The following RPL6 variants were observed in gnomAD, a reference collection of about 807,000 sequenced individuals.
The protein encoded by RPL6 is ribosomal protein L6.
RPL6 carries 1 observed loss-of-function variant against 32.1 expected under a neutral mutation model. The observed-to-expected ratio is 0.03, with a 90% confidence interval of 0.01 to 0.15. RPL6 has a LOEUF of 0.15. RPL6 is among the 10% of genes least tolerant of loss of function. The probability of loss-of-function intolerance (pLI) is 1.00; values close to 1 mark genes in which losing one functional copy is unlikely to be tolerated. For synonymous variants in RPL6, 126 were observed against 131.6 expected, an observed-to-expected ratio of 0.96 and a Z score of 0.29; for missense variants, 275 against 354.6, an observed-to-expected ratio of 0.78 and a Z score of 1.80.
At chr12:112,411,071 A>C (rs1030453217), upstream of RPL6, among the ~76,000 whole-genome samples, 1 of 152,264 alleles carries the variant, frequency 6.6e-6, no homozygotes, top group Admixed American at 6.5e-5. Flanking sequence ...CTGAGTCTCA[A>C]GGACATTAAG....
intron 1 of RPL6, among the ~76,000 whole-genome samples, chr12:112,415,744 G>A (rs1451618747): frequency 6.7e-6 from 1 of 148,272 alleles, no homozygotes; most frequent in African/African-American, 2.5e-5. Context: ...TTTTTTTTTT[G>A]TAGGGACAGG....
chr12:112,417,560 CTTTTTTTTTTTTTT>C (rs1209085428), intron 1 of RPL6, among the ~76,000 whole-genome samples: 1 of 75,090 alleles, frequency 1.3e-5, no homozygotes, highest in Non-Finnish European at 2.4e-5. Flanking sequence ...CCCGGCCCGG[CTTTTTTTTTTTTTT>C]TTTTTTTTTT....
Position 112,406,790 on chromosome 12 carries a change from G to C in RPL6, c.437C>G (p.Pro146Arg). The change falls in exon 4 of 7, where the codon CCC becomes CGC. Residue 146 changes from proline to arginine, a missense_variant. Transcript: ENST00000202773. The stretch of plus-strand genomic sequence containing the variant: ...AGTGAGGATGATCAGAATGGTCCCG[G>C]GGGTAATGCTGGCTCGCAGTTTTCT... Reference protein sequence around the residue: ...HVRKLRASITPGTILIILTGR... With the variant: ...HVRKLRASITRGTILIILTGR... 6.2e-7 allele frequency: 1 copy of C among 1,614,264 alleles called. No homozygotes were observed. The highest frequency in any genetic ancestry group is 8.5e-7 in the Non-Finnish European group (1 of 1,180,054).
intron 4 of RPL6, 152 bp from the exon 5 acceptor site, chr12:112,406,494 T>A: frequency 1.3e-6 from 1 of 798,540 alleles, no homozygotes; most frequent in Non-Finnish European, 2.0e-6. Context: ...AGCAAGCTAC[T>A]AAGGTAGTAC....
At position 112,405,385 on chromosome 12, in the gene RPL6, A is replaced by C; in HGVS notation, c.715-9T>G. Reference sequence around the variant, plus strand: ...TCCGTAATCTCATATTTCTAAATAAAGAGAAAATCAAACATTTTAAAACAG... The same window carrying C: ...TCCGTAATCTCATATTTCTAAATAACGAGAAAATCAAACATTTTAAAACAG... On this transcript the variant is annotated splice_polypyrimidine_tract_variant and intron_variant, in intron 6 of 6. Coordinates refer to ENST00000202773, the MANE Select transcript of RPL6 (RefSeq NM_000970.6). The C allele has an allele frequency of 6.2e-7, 1 of 1,607,966 alleles. No individual in the cohort carries two copies. Among genetic ancestry groups the C allele is most frequent in the Non-Finnish European group, 8.5e-7 (1 of 1,178,754 alleles).
chr12:112,406,069 AGG>A (rs1457673243), intron 5 of RPL6, 32 bp from the exon 6 acceptor site: 1 of 1,555,320 alleles, frequency 6.4e-7, no homozygotes, highest in Non-Finnish European at 8.8e-7. Flanking sequence ...AGCAAGGAAA[AGG>A]GGGAAGAATC....
upstream of RPL6, among the ~76,000 whole-genome samples, chr12:112,412,387 C>T (rs1268807882): frequency 6.6e-6 from 1 of 151,582 alleles, no homozygotes; most frequent in Admixed American, 6.6e-5. Flanking sequence ...GTTGGCCAGG[C>T]TGGTTTTGAA....
In RPL6 at chr12:112,408,670, T is replaced by C; in HGVS notation, c.1-14A>G. The C allele has an allele frequency of 6.4e-7, 1 of 1,558,170 alleles. No individual in the cohort carries two copies. Among genetic ancestry groups the C allele is most frequent in the African/African-American group, 1.4e-5 (1 of 72,520 alleles). On this transcript the variant is annotated splice_polypyrimidine_tract_variant and intron_variant, in intron 1 of 6. Transcript: ENST00000202773. ...TTCACCCGCCATCTAAAAATATTTT[T>C]TTGTAGATAAAAAAAGGCATTTCAC...
intron 1 of RPL6, chr12:112,409,037 T>C (rs2037274013): frequency 1.6e-5 from 4 of 247,540 alleles, no homozygotes; most frequent in Non-Finnish European, 3.1e-5. Flanking sequence ...TTGAAATCCC[T>C]TACTTTCAGT....
chr12:112,410,816 C>T (rs191806208), upstream of RPL6, among the ~76,000 whole-genome samples: 57 of 152,036 alleles, frequency 3.7e-4, 1 homozygote, highest in African/African-American at 1.3e-3. Context: ...CTCAAGTAAT[C>T]CACCCGCCTC....
intron 6 of RPL6, 140 bp downstream of exon 6, chr12:112,405,710 TAGA>T (rs1301777177): frequency 1.3e-6 from 1 of 742,034 alleles, no homozygotes; most frequent in Admixed American, 3.1e-5. Context: ...CTACTCAATT[TAGA>T]AGAATCTGGA....
At chr12:112,415,594 TAA>T (rs2037397990) in intron 1 of RPL6, among the ~76,000 whole-genome samples, 1 of 152,070 alleles carries the variant, frequency 6.6e-6, no homozygotes, top group East Asian at 1.9e-4. Context: ...TGCGTGCCTG[TAA>T]TCCCAGCTAC....
chr12:112,416,718 C>T (rs1166481317), intron 1 of RPL6, among the ~76,000 whole-genome samples: 3 of 152,178 alleles, frequency 2.0e-5, no homozygotes, highest in African/African-American at 7.2e-5. Flanking sequence ...CCCGAGTGAC[C>T]CGCCTAGTTT....
upstream of RPL6, among the ~76,000 whole-genome samples, chr12:112,410,168 A>T (rs1398724027): frequency 1.3e-5 from 2 of 152,084 alleles, no homozygotes; most frequent in Non-Finnish European, 2.9e-5. Context: ...AAAGAAAAAA[A>T]ATTAGCCGAG....
chr12:112,409,334 C>T, intron 1 of RPL6: 1 of 395,122 alleles, frequency 2.5e-6, no homozygotes, highest in Non-Finnish European at 4.5e-6. Context: ...TGCTACGGGT[C>T]CCCGAAAGGG....
chr12:112,408,763 C>A (rs1594109370), intron 1 of RPL6, 107 bp from the exon 2 acceptor site: 1 of 925,740 alleles, frequency 1.1e-6, no homozygotes, highest in Non-Finnish European at 1.6e-6. Flanking sequence ...AGACTACAAT[C>A]CCTCCCCCGG....
At chr12:112,408,751 C>T (rs1272177783) in intron 1 of RPL6, 95 bp from the exon 2 acceptor site, 1 of 1,064,558 alleles carries the variant, frequency 9.4e-7, no homozygotes. Flanking sequence ...GCTGGGCTCC[C>T]CAGACTACAA....
chr12:112,407,085 G>T (rs1475439529), intron 3 of RPL6, 195 bp from the exon 4 acceptor site: 3 of 543,202 alleles, frequency 5.5e-6, no homozygotes, highest in East Asian at 3.2e-5. Flanking sequence ...TGCAAAAAAG[G>T]AGACACCATT....
At chr12:112,409,941 G>T (rs1455782298), upstream of RPL6, among the ~76,000 whole-genome samples, 1 of 151,564 alleles carries the variant, frequency 6.6e-6, no homozygotes, top group Middle Eastern at 3.2e-3. Flanking sequence ...GAATCTGGAG[G>T]TGGAGATTGC....
Sources: allele counts gnomAD v4.1 joint callset (sites outside exome capture counted in the v4.1 genomes callset), GRCh38; gene constraint gnomAD v4.1.1; transcripts MANE v1.5; gene names NCBI Gene and HGNC (gene_info 2026-07-23, HGNC 2026-07-21).